The following SHISA9 variants were observed in gnomAD, a reference collection of about 807,000 sequenced individuals.
SHISA9 encodes shisa family member 9.
Under a neutral mutation model 38.0 loss-of-function variants are expected in SHISA9, and 13 were observed. That is an observed-to-expected ratio of 0.34 (90% confidence interval 0.22 to 0.54). The LOEUF (loss-of-function observed/expected upper bound fraction) is 0.54. SHISA9 is among the 20% of genes least tolerant of loss of function. The probability of loss-of-function intolerance (pLI) is 0.91; values close to 1 mark genes in which losing one functional copy is unlikely to be tolerated. For synonymous variants in SHISA9, 275 were observed against 242.0 expected (o/e 1.14, Z -1.27); for missense variants, 538 against 575.8 (o/e 0.93, Z 0.67).
chr16:12,975,606 A>G (rs189730761), intron 2 of SHISA9, among the ~76,000 whole-genome samples: 234 of 135,708 alleles, frequency 1.7e-3, no homozygotes, highest in African/African-American at 6.3e-3. Flanking sequence ...GGTGATAATG[A>G]CCAGTGAAAG....
At chr16:13,139,631 G>T (rs894337854) in intron 2 of SHISA9, among the ~76,000 whole-genome samples, 58 of 151,902 alleles carry the variant, frequency 3.8e-4, no homozygotes, top group African/African-American at 1.3e-3. Context: ...TCTGTAGCAC[G>T]AGTCTCCTCC....
chr16:13,357,082 G>A, the SHISA9 span, among the ~76,000 whole-genome samples: 13,968 of 152,066 alleles, frequency 0.092, 723 homozygotes, highest in South Asian at 0.21. Flanking sequence ...GTAGAGACAC[G>A]GAGAAGGGGT....
rs1245204327 is a variant in SHISA9, at chr16:13,019,885, T to TCCC, written c.691+103070_691+103071insCCC. Among the ~76,000 whole-genome samples, 58 of 7,398 alleles carry TCCC rather than the reference T, an allele frequency of 7.8e-3. 2 individuals carry two copies. Among genetic ancestry groups the TCCC allele is most frequent in the East Asian group, 0.043 (11 of 256 alleles). 4.9% of individuals were successfully genotyped at this position (7,398 alleles called of 152,430 possible). On this transcript the variant is annotated intron_variant, in intron 2 of 4. Transcript: ENST00000558583. ...CTCCCTCCCTCCCTCCCTCCCTCCC[T>TCCC]TCTTTCTTTCTTTCTTTCTTTCTTT... is the stretch of plus-strand genomic sequence containing the variant.
the SHISA9 span, among the ~76,000 whole-genome samples, chr16:13,410,692 A>G: frequency 6.6e-6 from 1 of 152,366 alleles, no homozygotes; most frequent in African/African-American, 2.4e-5. Context: ...TAAGAATTAT[A>G]TAACATTGGG....
the SHISA9 span, among the ~76,000 whole-genome samples, chr16:13,266,382 C>T: frequency 5.3e-5 from 8 of 152,136 alleles, no homozygotes; most frequent in African/African-American, 1.9e-4. Flanking sequence ...ATGCTTTCCC[C>T]AGTCTAGGAC....
chr16:13,427,419 T>C, the SHISA9 span, among the ~76,000 whole-genome samples: 5 of 152,098 alleles, frequency 3.3e-5, no homozygotes, highest in Admixed American at 2.6e-4. Context: ...GTTTCTACAG[T>C]ATAAAAGAAG....
At chr16:12,908,490 A>G (rs1033617801) in intron 1 of SHISA9, 8 of 1,552,198 alleles carry the variant, frequency 5.2e-6, no homozygotes, top group African/African-American at 2.7e-5. Flanking sequence ...CTCTATGACA[A>G]TCTGCTGTTT....
chr16:12,974,474 T>C (rs1338618210), intron 2 of SHISA9, among the ~76,000 whole-genome samples: 2 of 144,480 alleles, frequency 1.4e-5, no homozygotes, highest in Non-Finnish European at 3.0e-5. Context: ...AAGTGATTTC[T>C]GGTGGTTTTT....
the SHISA9 span, among the ~76,000 whole-genome samples, chr16:13,378,839 T>C: frequency 6.6e-6 from 1 of 152,192 alleles, no homozygotes; most frequent in Admixed American, 6.5e-5. Context: ...ATTACCTAGT[T>C]TGGGGGTTGC....
rs546086439 is a variant in SHISA9 at position 12,960,496 on chromosome 16, G to A, written c.691+43681G>A. Among the ~76,000 whole-genome samples the A allele has an allele frequency of 2.0e-5, 3 of 152,150 alleles. No homozygotes were observed. In the South Asian group the frequency reaches 6.2e-4, roughly 32 times the overall value. ...GTTCATTGCAGCAATATTCACAATA[G>A]CAAAGACATGGAATCAACCCAAATG... is the stretch of plus-strand genomic sequence containing the variant. On this transcript the variant is annotated intron_variant, in intron 2 of 4. Transcript: ENST00000558583.
the SHISA9 span, among the ~76,000 whole-genome samples, chr16:13,421,947 G>T: frequency 6.6e-6 from 1 of 152,220 alleles, no homozygotes; most frequent in South Asian, 2.1e-4. Flanking sequence ...CACAGGAAAT[G>T]CCCATGTGGT....
At chr16:13,198,608 A>T (rs1185906982) in intron 2 of SHISA9, among the ~76,000 whole-genome samples, 1 of 152,068 alleles carries the variant, frequency 6.6e-6, no homozygotes, top group African/African-American at 2.4e-5. Context: ...TCCCTAGCTG[A>T]ATATATTTGT....
chr16:13,116,353 C>T (rs149454829), intron 2 of SHISA9, among the ~76,000 whole-genome samples: 2 of 152,156 alleles, frequency 1.3e-5, no homozygotes, highest in Non-Finnish European at 1.5e-5. Flanking sequence ...GAAATAAATA[C>T]ATGGTCTTTA....
At chr16:12,922,120 C>T (rs2071336102) in intron 2 of SHISA9, among the ~76,000 whole-genome samples, 2 of 152,310 alleles carry the variant, frequency 1.3e-5, no homozygotes, top group South Asian at 4.1e-4. Flanking sequence ...TCTTGTGATA[C>T]AGGTGTTTGC....
intron 2 of SHISA9, among the ~76,000 whole-genome samples, chr16:13,085,644 G>A (rs894506927): frequency 2.0e-5 from 3 of 152,194 alleles, no homozygotes; most frequent in African/African-American, 4.8e-5. Flanking sequence ...TACGTTATGT[G>A]TAGGTGCACC....
chr16:12,928,257 T>C (rs769940782), intron 2 of SHISA9, among the ~76,000 whole-genome samples: 4 of 152,208 alleles, frequency 2.6e-5, no homozygotes, highest in African/African-American at 4.8e-5. Flanking sequence ...TGAGTATTTA[T>C]TGAGTACCTA....
chr16:13,550,490 A>G, the SHISA9 span, among the ~76,000 whole-genome samples: 2 of 152,170 alleles, frequency 1.3e-5, no homozygotes, highest in Admixed American at 1.3e-4. Context: ...ACTCTTAACC[A>G]TAGATCAGCA....
At chr16:13,358,327 A>T in the SHISA9 span, among the ~76,000 whole-genome samples, 2 of 152,060 alleles carry the variant, frequency 1.3e-5, no homozygotes, top group Non-Finnish European at 2.9e-5. Flanking sequence ...CCTGGTTTTA[A>T]AAGCTTGGGA....
the SHISA9 span, among the ~76,000 whole-genome samples, chr16:13,386,120 C>T: frequency 6.6e-6 from 1 of 152,098 alleles, no homozygotes; most frequent in Non-Finnish European, 1.5e-5. Context: ...GCTAAATAGA[C>T]ACACACAAAT....
Sources: gnomAD v4.1 joint callset for allele counts (sites outside exome capture counted in the v4.1 genomes callset) on GRCh38, gnomAD v4.1.1 for gene constraint, MANE v1.5 for transcripts, NCBI Gene and HGNC (gene_info 2026-07-23, HGNC 2026-07-21) for gene names.